The following ZNF407 variants were observed in gnomAD, a reference collection of about 807,000 sequenced individuals.
ZNF407 encodes the protein zinc finger protein 407.
In ZNF407, 17 loss-of-function variants were observed where a neutral mutation model predicts 131.2. That is an observed-to-expected ratio of 0.13 (90% CI 0.09 to 0.19). ZNF407 has a LOEUF of 0.19. Among genes scored for constraint, ZNF407 ranks in the 10% least tolerant of loss-of-function variants. The pLI, the probability that ZNF407 is intolerant of heterozygous loss-of-function variation, is 1.00. For synonymous variants in ZNF407, 1,156 were observed against 1,062.0 expected, an observed-to-expected ratio of 1.09 and a Z score of -1.72; for missense variants, 2,681 against 2,830.6, an observed-to-expected ratio of 0.95 and a Z score of 1.20.
At chr18:74,738,896 G>T (rs1237758035) in intron 3 of ZNF407, among the ~76,000 whole-genome samples, 1 of 152,048 alleles carries the variant, frequency 6.6e-6, no homozygotes, top group Non-Finnish European at 1.5e-5. Context: ...AAGGAGATTT[G>T]AAAAGATATA....
intron 8 of ZNF407, among the ~76,000 whole-genome samples, chr18:75,041,194 C>T (rs145281275): frequency 2.9e-4 from 44 of 152,304 alleles, no homozygotes; most frequent in Non-Finnish European, 4.7e-4. Flanking sequence ...AGTGGCTAAA[C>T]GTAGATTTTA....
intron 3 of ZNF407, among the ~76,000 whole-genome samples, chr18:74,720,879 G>A (rs1304077116): frequency 6.7e-6 from 1 of 148,514 alleles, no homozygotes; most frequent in Non-Finnish European, 1.5e-5. Flanking sequence ...TGTTTTGTTA[G>A]TACAGATTTG....
At chr18:74,832,207 G>A (rs1201587630) in intron 4 of ZNF407, among the ~76,000 whole-genome samples, 2 of 152,108 alleles carry the variant, frequency 1.3e-5, no homozygotes, top group Admixed American at 6.5e-5. Flanking sequence ...TGCCTTTCAG[G>A]AACCCATATT....
intron 4 of ZNF407, among the ~76,000 whole-genome samples, chr18:74,850,480 C>T (rs1236124854): frequency 6.6e-6 from 1 of 152,162 alleles, no homozygotes; most frequent in East Asian, 1.9e-4. Context: ...TTTCACTTGC[C>T]AGTACGCCTG....
chr18:75,045,916 A>G (rs573512741), intron 8 of ZNF407, among the ~76,000 whole-genome samples: 2 of 152,264 alleles, frequency 1.3e-5, no homozygotes, highest in East Asian at 3.9e-4. Context: ...CTGTTCTATT[A>G]TATTTGTGTC....
intron 8 of ZNF407, among the ~76,000 whole-genome samples, chr18:75,054,942 C>T (rs1295209553): frequency 6.6e-6 from 1 of 152,242 alleles, no homozygotes; most frequent in Non-Finnish European, 1.5e-5. Context: ...GCCATTGTCA[C>T]TAATGCTCAC....
intron 3 of ZNF407, among the ~76,000 whole-genome samples, chr18:74,664,964 A>G (rs1310386259): frequency 6.6e-6 from 1 of 152,160 alleles, no homozygotes; most frequent in African/African-American, 2.4e-5. Context: ...GGTTCTGCCA[A>G]TTTCATGTAA....
chr18:74,665,937 A>C (rs1985912627), intron 3 of ZNF407, among the ~76,000 whole-genome samples: 1 of 152,216 alleles, frequency 6.6e-6, no homozygotes, highest in Non-Finnish European at 1.5e-5. Flanking sequence ...AAGCACATAC[A>C]TAATGTTTAA....
intron 8 of ZNF407, among the ~76,000 whole-genome samples, chr18:75,032,009 A>G (rs1973246019): frequency 6.6e-6 from 1 of 152,180 alleles, no homozygotes; most frequent in African/African-American, 2.4e-5. Context: ...TCCCCAAAAC[A>G]TGGAGTGTTT....
At chr18:74,953,693 G>A (rs1438241911) in intron 8 of ZNF407, among the ~76,000 whole-genome samples, 13 of 152,202 alleles carry the variant, frequency 8.5e-5, no homozygotes, top group Admixed American at 8.5e-4. Context: ...AAATATAGTT[G>A]CATATAGAAA....
chr18:74,708,200 AAGAT>A (rs1967672412), intron 3 of ZNF407, among the ~76,000 whole-genome samples: 1 of 152,236 alleles, frequency 6.6e-6, no homozygotes, highest in Admixed American at 6.5e-5. Context: ...ATTATGTTCA[AAGAT>A]AGAGTTACTG....
In ZNF407 at chr18:74,633,046, A is replaced by G. The variant is rs1451985335; in HGVS notation, c.2027A>G (p.Asp676Gly). The G allele has an allele frequency of 1.2e-6, 2 of 1,613,934 alleles. No homozygotes were observed. Among genetic ancestry groups the G allele is most frequent in the Admixed American group, 1.7e-5 (1 of 60,032 alleles). ...LESENAKESMDDSGKASQEEP... is the reference protein window; with the variant it reads ...LESENAKESMGDSGKASQEEP... ...TCAGAAAACGCAAAAGAGTCTATGG[A>G]TGACTCAGGAAAAGCATCTCAGGAA... is the stretch of plus-strand genomic sequence containing the variant. Residue 676 changes from aspartate (D) to glycine (G), a missense_variant, in exon 2 of 9, where the codon GAT (aspartate) becomes GGT (glycine). Transcript: ENST00000299687.
intron 3 of ZNF407, among the ~76,000 whole-genome samples, chr18:74,779,109 A>ATATATATATATTTTTT (rs397943457): frequency 4.5e-4 from 11 of 24,376 alleles, no homozygotes; most frequent in Non-Finnish European, 5.7e-4. Flanking sequence ...ATATATATAT[A>ATATATATATATTTTTT]TTTTTTTTTT....
intron 4 of ZNF407, among the ~76,000 whole-genome samples, chr18:74,838,219 G>T (rs897503414): frequency 1.3e-5 from 2 of 152,096 alleles, no homozygotes; most frequent in South Asian, 2.1e-4. Flanking sequence ...GCCGTCCCAA[G>T]AATATATTTT....
rs923858053 is a variant in ZNF407, at chr18:74,731,731, A to G, written c.4803-49697A>G. Among the ~76,000 whole-genome samples, 5 of 152,140 alleles carry G rather than the reference A, an allele frequency of 3.3e-5. No individual in the cohort carries two copies. In the South Asian group the frequency reaches 1.0e-3, roughly 31 times the overall value. ...TATACTTGTGTGAGATAACAGAGTC[A>G]TAGAGGAGTGAGTGTCAAAGTCCAG... On this transcript the variant is annotated intron_variant, in intron 3 of 8. Coordinates refer to ENST00000299687, the MANE Select transcript of ZNF407 (RefSeq NM_017757.3).
chr18:74,704,599 A>T (rs1256623559), intron 3 of ZNF407, among the ~76,000 whole-genome samples: 1 of 152,238 alleles, frequency 6.6e-6, no homozygotes, highest in Non-Finnish European at 1.5e-5. Flanking sequence ...CTCTTAAAAA[A>T]TAGGTTATCA....
At chr18:74,605,296 T>C (rs1982757861) in intron 1 of ZNF407, among the ~76,000 whole-genome samples, 1 of 152,252 alleles carries the variant, frequency 6.6e-6, no homozygotes, top group Non-Finnish European at 1.5e-5. Context: ...GCATCTGCTG[T>C]CTGCAGCTCC....
intron 1 of ZNF407, among the ~76,000 whole-genome samples, chr18:74,624,859 T>A (rs1983718024): frequency 6.6e-6 from 1 of 152,266 alleles, no homozygotes; most frequent in Non-Finnish European, 1.5e-5. Context: ...CAGTTTTAAT[T>A]TCCTCAAGGT....
intron 3 of ZNF407, among the ~76,000 whole-genome samples, chr18:74,743,873 C>T (rs1480132035): frequency 6.6e-6 from 1 of 151,988 alleles, no homozygotes; most frequent in Non-Finnish European, 1.5e-5. Context: ...TTAATTGGTA[C>T]ATTAATTTGT....
Sources: allele counts gnomAD v4.1 joint callset (sites outside exome capture counted in the v4.1 genomes callset), GRCh38; gene constraint gnomAD v4.1.1; transcripts MANE v1.5; gene names NCBI Gene and HGNC (gene_info 2026-07-23, HGNC 2026-07-21).